The following TOP1 variants were observed in gnomAD, a reference collection of about 807,000 sequenced individuals.
TOP1 encodes DNA topoisomerase 1.
A neutral mutation model predicts 111.1 loss-of-function variants in TOP1; 10 were observed. The ratio of observed to expected loss-of-function variants is 0.09; its 90% confidence interval spans 0.06 to 0.15. The LOEUF is 0.15. Among genes scored for constraint, TOP1 ranks in the 10% least tolerant of loss-of-function variants. The probability of loss-of-function intolerance (pLI) is 1.00; values close to 1 mark genes in which losing one functional copy is unlikely to be tolerated. For missense variants in TOP1, 474 were observed against 926.7 expected (o/e 0.51, Z 6.34); for synonymous variants, 271 against 302.9 (o/e 0.89, Z 1.10).
chr20:41,040,971 G>A (rs906967211), intron 2 of TOP1, among the ~76,000 whole-genome samples: 1 of 152,076 alleles, frequency 6.6e-6, no homozygotes, highest in Non-Finnish European at 1.5e-5. Flanking sequence ...ACTAGGTATT[G>A]TGAACTCCTT....
Position 41,077,650 on chromosome 20 carries a change from T to G in TOP1, c.335+13T>G. The G allele has an allele frequency of 6.2e-7, 1 of 1,613,470 alleles. No homozygotes were observed. Among genetic ancestry groups the G allele is most frequent in the African/African-American group, 1.3e-5 (1 of 75,056 alleles). ...ATGGCTTCTCTAGGTAAGACTTTGC[T>G]GCTGCGTGGGCTTCCCTTTCTCTGG... On this transcript the variant is annotated intron_variant, in intron 5 of 20. Coordinates refer to ENST00000361337, the MANE Select transcript of TOP1 (RefSeq NM_003286.4).
chr20:41,079,498 A>G lies in TOP1; in HGVS notation c.336-587A>G, dbSNP rs545774162. Among the ~76,000 whole-genome samples, 1 of 152,372 alleles carries G rather than the reference A, an allele frequency of 6.6e-6. No individual in the cohort carries two copies. The highest frequency in any genetic ancestry group is 2.1e-4 in the South Asian group (1 of 4,828). On this transcript the variant is annotated intron_variant, in intron 5 of 20. Coordinates refer to ENST00000361337, the MANE Select transcript of TOP1 (RefSeq NM_003286.4). The surrounding 1 kb of genome is among the most constrained non-coding windows in gnomAD (Gnocchi z 4.0). Reference sequence around the variant, plus strand: ...CCTAAGTTAGGACGTTGAACAATGAATAGATTTGGCATAGGATACCTTCTG... The same window carrying G: ...CCTAAGTTAGGACGTTGAACAATGAGTAGATTTGGCATAGGATACCTTCTG...
chr20:41,029,471 G>T lies in TOP1; in HGVS notation c.58+16G>T, dbSNP rs369440511. On this transcript the variant is annotated intron_variant, in intron 2 of 20. Transcript: ENST00000361337. The surrounding 1 kb of genome is among the most constrained non-coding windows in gnomAD (Gnocchi z 6.1). ...CGATTGAATGGTGAGTGTGCCCCCT[G>T]CGCCGACTCCGGGGCCCCCCAGCCG... 1.3e-6 allele frequency: 2 copies of T among 1,555,726 alleles called. No homozygotes were observed. Among genetic ancestry groups the T allele is most frequent in the African/African-American group, 1.4e-5 (1 of 71,320 alleles).
intron 8 of TOP1, among the ~76,000 whole-genome samples, chr20:41,089,371 T>C (rs1319914082): frequency 6.6e-6 from 1 of 152,198 alleles, no homozygotes; most frequent in Non-Finnish European, 1.5e-5. Flanking sequence ...TCTGTCTCTA[T>C]GAATTTGACT....
At position 41,028,914 on chromosome 20, in the gene TOP1, CA is replaced by C; in HGVS notation, c.-153del. 1 of 616,750 alleles carries C rather than the reference CA, an allele frequency of 1.6e-6. No individual in the cohort carries two copies. The highest frequency in any genetic ancestry group is 1.9e-5 in the African/African-American group (1 of 51,622). The allele number at this position is 616,750 out of a possible 1,614,324, so 38.2% of individuals were successfully genotyped here. On this transcript the variant is annotated 5_prime_UTR_variant, in exon 1 of 21. Coordinates refer to ENST00000361337, the MANE Select transcript of TOP1 (RefSeq NM_003286.4). ...AGCGTCGCCGCCGTGGTAGCAGCCT[CA>C]GCCGTTTCTGGAGTCTCGGGCCCAC...
rs1285403722 is a variant in TOP1 at position 41,034,165 on chromosome 20, G to C, written c.58+4710G>C. Among the ~76,000 whole-genome samples the C allele has an allele frequency of 6.6e-6, 1 of 152,160 alleles. No individual in the cohort carries two copies. Among genetic ancestry groups the C allele is most frequent in the Non-Finnish European group, 1.5e-5 (1 of 68,022 alleles). Reference sequence around the variant, plus strand: ...ACAGTTGACACATGGATTTCTTAAGGTAAAAAGTTTAGAGACTTCCAAACT... The same window carrying C: ...ACAGTTGACACATGGATTTCTTAAGCTAAAAAGTTTAGAGACTTCCAAACT... On this transcript the variant is annotated intron_variant, in intron 2 of 20. Coordinates refer to ENST00000361337, the MANE Select transcript of TOP1 (RefSeq NM_003286.4). This position sits in a 1 kb window ranked among gnomAD's most constrained non-coding sequence, Gnocchi z 4.0.
chr20:41,061,285 A>C lies in TOP1; in HGVS notation c.59-109A>C. ...TTCAGTGGCATGTGCTATTATGCCT[A>C]CCATGCCATTTGAATCCTGTCATTG... is the stretch of plus-strand genomic sequence containing the variant. On this transcript the variant is annotated intron_variant, in intron 2 of 20. Coordinates refer to ENST00000361337, the MANE Select transcript of TOP1 (RefSeq NM_003286.4). This position sits in a 1 kb window ranked among gnomAD's most constrained non-coding sequence, Gnocchi z 4.6. 9.5e-7 allele frequency: 1 copy of C among 1,052,002 alleles called. No homozygotes were observed. Among genetic ancestry groups the C allele is most frequent in the Non-Finnish European group, 1.4e-6 (1 of 714,098 alleles). The allele number at this position is 1,052,002 out of a possible 1,614,324, so 65.2% of individuals were successfully genotyped here.
Position 41,109,338 on chromosome 20 carries a change from TAACATAGACC to T in TOP1, c.1309-3443_1309-3434del, listed in dbSNP as rs1163100038. Among the ~76,000 whole-genome samples the T allele has an allele frequency of 2.7e-4, 41 of 152,184 alleles. No homozygotes were observed. Among genetic ancestry groups the T allele is most frequent in the Non-Finnish European group, 5.9e-5 (4 of 68,024 alleles). On this transcript the variant is annotated intron_variant, in intron 13 of 20. Coordinates refer to ENST00000361337, the MANE Select transcript of TOP1 (RefSeq NM_003286.4). This position sits in a 1 kb window ranked among gnomAD's most constrained non-coding sequence, Gnocchi z 4.1. The stretch of plus-strand genomic sequence containing the variant: ...TTTTAAATCTATTTATTAGTAAGAC[TAACATAGACC>T]TAAGTGTGAAGACTAAAATATTAAA...
At chr20:41,074,374 G>T (rs1270269224) in intron 3 of TOP1, among the ~76,000 whole-genome samples, 2 of 152,016 alleles carry the variant, frequency 1.3e-5, no homozygotes, top group Non-Finnish European at 1.5e-5. Flanking sequence ...GAGTTAAAAA[G>T]AATTTTCCTC....
chr20:41,113,615 C>T (rs921936481), intron 14 of TOP1, among the ~76,000 whole-genome samples: 14 of 151,636 alleles, frequency 9.2e-5, no homozygotes, highest in African/African-American at 1.2e-4. Context: ...CAGTGGCTCA[C>T]GCCTGTAATC....
rs1468880295 is a variant in TOP1, at chr20:41,046,651, A to G, written c.59-14743A>G. Among the ~76,000 whole-genome samples, 1 of 152,220 alleles carries G rather than the reference A, an allele frequency of 6.6e-6. No homozygotes were observed. Among genetic ancestry groups the G allele is most frequent in the African/African-American group, 2.4e-5 (1 of 41,464 alleles). On this transcript the variant is annotated intron_variant, in intron 2 of 20. Transcript: ENST00000361337. This position sits in a 1 kb window ranked among gnomAD's most constrained non-coding sequence, Gnocchi z 4.3. ...GTGCTTGGACCCAGTTGTTCCAGAA[A>G]TCAGTAAAACCTATTTGAGTATTCA...
Position 41,112,934 on chromosome 20 carries a change from A to G in TOP1, c.1452+9A>G, listed in dbSNP as rs777484974. 1.2e-6 allele frequency: 2 copies of G among 1,613,302 alleles called. No individual in the cohort carries two copies. The highest frequency in any genetic ancestry group is 1.7e-6 in the Non-Finnish European group (2 of 1,179,472). Reference sequence around the variant, plus strand: ...TGTACTTCATCGACAAGGTGAGAGCATCTTCCCATCGGCATTGTCTAGTGT... The same window carrying G: ...TGTACTTCATCGACAAGGTGAGAGCGTCTTCCCATCGGCATTGTCTAGTGT... On this transcript the variant is annotated intron_variant, in intron 14 of 20. Transcript: ENST00000361337. The surrounding 1 kb of genome is among the most constrained non-coding windows in gnomAD (Gnocchi z 5.8).
At position 41,061,605 on chromosome 20, in the gene TOP1, A is replaced by G; in HGVS notation, c.155+115A>G. On this transcript the variant is annotated intron_variant, in intron 3 of 20. Transcript: ENST00000361337. The surrounding 1 kb of genome is among the most constrained non-coding windows in gnomAD (Gnocchi z 4.6). ...ATGTAAAGATAGCAAAGTAAGTAGA[A>G]ACTGTATTTGATCCTAGAGTTGCTA... is the stretch of plus-strand genomic sequence containing the variant. 1.1e-6 allele frequency: 1 copy of G among 891,310 alleles called. No homozygotes were observed. The highest frequency in any genetic ancestry group is 1.7e-6 in the Non-Finnish European group (1 of 582,228). 55.2% of individuals were successfully genotyped at this position (891,310 alleles called of 1,614,324 possible).
chr20:41,055,979 A>G (rs2033465418), intron 2 of TOP1, among the ~76,000 whole-genome samples: 1 of 152,238 alleles, frequency 6.6e-6, no homozygotes, highest in East Asian at 1.9e-4. Flanking sequence ...AAAAGTTTCA[A>G]GCATACACAT....
rs942039876 is a variant in TOP1, at chr20:41,123,377, C to T, written c.*80C>T. On this transcript the variant is annotated 3_prime_UTR_variant, in exon 21 of 21. Coordinates refer to ENST00000361337, the MANE Select transcript of TOP1 (RefSeq NM_003286.4). This position sits in a 1 kb window ranked among gnomAD's most constrained non-coding sequence, Gnocchi z 5.8. ...GGATAAACTGAGCCTCACTTGCCCTCGTGCCTGGGGGAGAGAGGCAGCAAG... is the reference window on the plus strand; with the variant it reads ...GGATAAACTGAGCCTCACTTGCCCTTGTGCCTGGGGGAGAGAGGCAGCAAG... 3.8e-5 allele frequency: 39 copies of T among 1,026,406 alleles called. No individual in the cohort carries two copies. Among genetic ancestry groups the T allele is most frequent in the Non-Finnish European group, 5.2e-5 (35 of 671,708 alleles). 63.6% of individuals were successfully genotyped at this position (1,026,406 alleles called of 1,614,324 possible).
chr20:41,072,310 C>A, intron 3 of TOP1: 1 of 985,220 alleles, frequency 1.0e-6, no homozygotes, highest in Non-Finnish European at 1.2e-6. Context: ...TTAAAACAGG[C>A]AGCCAGCAAA....
rs1164284091 is a variant in TOP1, at chr20:41,121,838, CA to C, written c.2045+49del. The C allele has an allele frequency of 1.3e-6, 2 of 1,582,344 alleles. No individual in the cohort carries two copies. The highest frequency in any genetic ancestry group is 3.3e-5 in the Admixed American group (2 of 59,928). ...GTTGGGGCTGGTAGAGAAAAGTGTG[CA>C]GCATCTGTCAGGGCCCCTGGGGCCC... On this transcript the variant is annotated intron_variant, in intron 19 of 20. Transcript: ENST00000361337. The surrounding 1 kb of genome is among the most constrained non-coding windows in gnomAD (Gnocchi z 4.2).
intron 8 of TOP1, among the ~76,000 whole-genome samples, chr20:41,088,285 T>TC (rs1349809109): frequency 1.3e-5 from 2 of 152,196 alleles, no homozygotes; most frequent in African/African-American, 4.8e-5. Flanking sequence ...GATCACGAGG[T>TC]CAGTAGATCG....
Position 41,029,288 on chromosome 20 carries a change from C to A in TOP1, c.34-143C>A. The A allele has an allele frequency of 2.5e-6, 2 of 804,590 alleles. No homozygotes were observed. Among genetic ancestry groups the A allele is most frequent in the East Asian group, 3.2e-5 (1 of 31,642 alleles). The allele number at this position is 804,590 out of a possible 1,614,324, so 49.8% of individuals were successfully genotyped here. ...AGGGCCGCGAAGTTACAGTTCGAGG[C>A]AGGGATGGCTGCCCTCTGTGGCCAC... On this transcript the variant is annotated intron_variant, in intron 1 of 20. Transcript: ENST00000361337. This position sits in a 1 kb window ranked among gnomAD's most constrained non-coding sequence, Gnocchi z 6.1.
Sources: gnomAD v4.1 joint callset for allele counts (sites outside exome capture counted in the v4.1 genomes callset) on GRCh38, gnomAD v4.1.1 for gene constraint, Gnocchi (gnomAD v3.1) non-coding constraint, MANE v1.5 for transcripts, NCBI Gene and HGNC (gene_info 2026-07-23, HGNC 2026-07-21) for gene names.